The following PARD3B variants were observed in gnomAD, a reference collection of about 807,000 sequenced individuals.
The protein encoded by PARD3B is par-3 family cell polarity regulator beta, also known as partitioning defective 3 homolog B.
In PARD3B, 103 loss-of-function variants were observed where a neutral mutation model predicts 130.2. The observed-to-expected ratio is 0.79, with a 90% CI of 0.67 to 0.93. The LOEUF is 0.93. PARD3B is among the 40% of genes least tolerant of loss of function. PARD3B has a pLI of 0.00. For synonymous variants in PARD3B, 583 were observed against 553.2 expected, an observed-to-expected ratio of 1.05 and a Z score of -0.76; for missense variants, 1,609 against 1,499.2, an observed-to-expected ratio of 1.07 and a Z score of -1.21.
chr2:205,009,351 C>T (rs1260477846), intron 3 of PARD3B, among the ~76,000 whole-genome samples: 1 of 152,140 alleles, frequency 6.6e-6, no homozygotes, highest in Non-Finnish European at 1.5e-5. Flanking sequence ...ATGTTAATCA[C>T]ATTTCTGTTT....
At chr2:205,127,796 C>T (rs1410039104) in intron 10 of PARD3B, among the ~76,000 whole-genome samples, 2 of 152,190 alleles carry the variant, frequency 1.3e-5, no homozygotes, top group Non-Finnish European at 2.9e-5. Context: ...CTTGACTCCT[C>T]CATACCCAAC....
At chr2:205,182,139 A>G (rs2035824813) in intron 13 of PARD3B, among the ~76,000 whole-genome samples, 1 of 152,148 alleles carries the variant, frequency 6.6e-6, no homozygotes, top group African/African-American at 2.4e-5. Flanking sequence ...TAAAATACAA[A>G]AAATTAGCTG....
In PARD3B at chr2:205,176,552, T is replaced by A; in HGVS notation, c.1899T>A (p.Thr633=). 1 of 1,611,688 alleles carries A rather than the reference T, an allele frequency of 6.2e-7. No individual in the cohort carries two copies. The highest frequency in any genetic ancestry group is 8.5e-7 in the Non-Finnish European group (1 of 1,178,770). ...NDNSILHPLG[T]CSPQDKQKGL... ...ATAGTATCCTGCATCCACTTGGCAC[T>A]TGCAGTCCACAAGACAAACAGAAAG... The change falls in exon 13 of 23, where the codon ACT becomes ACA. Residue 633 remains threonine (T), a synonymous_variant. Coordinates refer to ENST00000406610, the MANE Select transcript of PARD3B (RefSeq NM_001302769.2). This position sits in a 1 kb window ranked among gnomAD's most constrained non-coding sequence, Gnocchi z 5.3.
chr2:205,117,932 C>CACACATACACACACACACACACACACAT (rs1418174076), intron 6 of PARD3B, among the ~76,000 whole-genome samples: 1 of 152,128 alleles, frequency 6.6e-6, no homozygotes, highest in Non-Finnish European at 1.5e-5. Context: ...CACACACACA[C>CACACATACACACACACACACACACACAT]ACACATACAC....
intron 4 of PARD3B, among the ~76,000 whole-genome samples, chr2:205,053,839 G>T (rs970013562): frequency 2.6e-5 from 4 of 152,016 alleles, no homozygotes; most frequent in African/African-American, 4.8e-5. Flanking sequence ...AACAGGGGGA[G>T]AAATAGCATG....
rs180908982 is a variant in PARD3B at position 205,227,043 on chromosome 2, G to A, written c.2141-18735G>A. On this transcript the variant is annotated intron_variant, in intron 15 of 22. Coordinates refer to ENST00000406610, the MANE Select transcript of PARD3B (RefSeq NM_001302769.2). ...TACATTGTAGTCAGAGAATATACTC[G>A]ATATAATTTCAGGGTTTTTTTTTTG... Among the ~76,000 whole-genome samples, 719 of 150,832 alleles carry A rather than the reference G, an allele frequency of 4.8e-3. 7 individuals carry two copies. Among genetic ancestry groups the A allele is most frequent in the Non-Finnish European group, 7.9e-3 (532 of 67,736 alleles).
At chr2:205,491,916 G>A (rs1204375645) in intron 20 of PARD3B, among the ~76,000 whole-genome samples, 1 of 152,184 alleles carries the variant, frequency 6.6e-6, no homozygotes, top group Non-Finnish European at 1.5e-5. Context: ...GATGGCTGGG[G>A]GGAGGACCGC....
In PARD3B at chr2:205,616,455, T is replaced by C. The variant is rs993607804; in HGVS notation, c.*642T>C. ...GGTTTCTGATACCACTCATTGGATGTAAACATTTCATGTTTCCTCACTTTT... is the reference window on the plus strand; with the variant it reads ...GGTTTCTGATACCACTCATTGGATGCAAACATTTCATGTTTCCTCACTTTT... On this transcript the variant is annotated 3_prime_UTR_variant, in exon 23 of 23. Coordinates refer to ENST00000406610, the MANE Select transcript of PARD3B (RefSeq NM_001302769.2). 1 of 152,298 alleles carries C rather than the reference T, an allele frequency of 6.6e-6. No homozygotes were observed. The highest frequency in any genetic ancestry group is 1.5e-5 in the Non-Finnish European group (1 of 68,104). 9.4% of individuals were successfully genotyped at this position (152,298 alleles called of 1,614,324 possible). A position where few individuals can be genotyped will look rare whatever the true frequency, so the allele number is the denominator to read the frequency against.
chr2:205,292,765 T>A lies in PARD3B; in HGVS notation c.2186-7765T>A, dbSNP rs1408143124. Among the ~76,000 whole-genome samples, 2 of 152,214 alleles carry A rather than the reference T, an allele frequency of 1.3e-5. No homozygotes were observed. The highest frequency in any genetic ancestry group is 2.9e-5 in the Non-Finnish European group (2 of 68,036). ...TTTGGGTAAGATCAATTGTGTGTGA[T>A]TAGACTTCACTTTGTACAGGAAAAA... is the stretch of plus-strand genomic sequence containing the variant. On this transcript the variant is annotated intron_variant, in intron 16 of 22. Transcript: ENST00000406610. The surrounding 1 kb of genome is among the most constrained non-coding windows in gnomAD (Gnocchi z 5.3).
intron 3 of PARD3B, among the ~76,000 whole-genome samples, chr2:204,987,403 A>G (rs182911397): frequency 6.6e-6 from 1 of 152,364 alleles, no homozygotes; most frequent in Non-Finnish European, 1.5e-5. Context: ...GCTTTCATGA[A>G]GAATATTTCT....
rs373227965 is a variant in PARD3B, at chr2:205,456,936, A to G, written c.3044+16264A>G. 8.6e-5 allele frequency among the ~76,000 whole-genome samples: 13 copies of G among 150,518 alleles called. No homozygotes were observed. The East Asian group carries it at 2.5e-3, about 29-fold the overall frequency. ...GAAATAATTTATCATAAATTTAATA[A>G]ATTTAATAAATCGTTTAATAATTAT... is the stretch of plus-strand genomic sequence containing the variant. On this transcript the variant is annotated intron_variant, in intron 20 of 22. Transcript: ENST00000406610.
At chr2:205,426,592 ACT>A (rs970781502) in intron 19 of PARD3B, among the ~76,000 whole-genome samples, 12 of 152,044 alleles carry the variant, frequency 7.9e-5, no homozygotes, top group Admixed American at 1.3e-4. Flanking sequence ...CCTCCTCTTT[ACT>A]CTCTGTTCAT....
intron 10 of PARD3B, among the ~76,000 whole-genome samples, chr2:205,153,084 C>A (rs1159519446): frequency 6.6e-6 from 1 of 152,208 alleles, no homozygotes; most frequent in East Asian, 1.9e-4. Context: ...GTATCACCAG[C>A]AGAGGCTGCA....
intron 2 of PARD3B, among the ~76,000 whole-genome samples, chr2:204,713,057 T>G (rs1222416203): frequency 6.6e-6 from 1 of 152,140 alleles, no homozygotes; most frequent in Non-Finnish European, 1.5e-5. Context: ...GTTTCTAATG[T>G]GACTGTATTT....
Position 205,176,971 on chromosome 2 carries a change from G to A in PARD3B, c.1924+394G>A, listed in dbSNP as rs569591090. 1.6e-4 allele frequency among the ~76,000 whole-genome samples: 25 copies of A among 152,292 alleles called. No homozygotes were observed. The highest frequency in any genetic ancestry group is 5.8e-4 in the African/African-American group (24 of 41,574). On this transcript the variant is annotated intron_variant, in intron 13 of 22. Coordinates refer to ENST00000406610, the MANE Select transcript of PARD3B (RefSeq NM_001302769.2). This position sits in a 1 kb window ranked among gnomAD's most constrained non-coding sequence, Gnocchi z 5.3. ...ATAATCCATAAAATGGTCATAGCGT[G>A]ATTCACAGATGATCCTCGATTCTAA...
intron 18 of PARD3B, among the ~76,000 whole-genome samples, chr2:205,368,304 G>A (rs1419748249): frequency 1.3e-5 from 2 of 152,122 alleles, no homozygotes; most frequent in Non-Finnish European, 2.9e-5. Flanking sequence ...GTTGTTTGTA[G>A]TATATATGAA....
chr2:205,465,463 T>G (rs2048588473), intron 20 of PARD3B, among the ~76,000 whole-genome samples: 1 of 152,186 alleles, frequency 6.6e-6, no homozygotes, highest in Non-Finnish European at 1.5e-5. Flanking sequence ...TTAAAAATTA[T>G]TTTGCTTTCT....
At chr2:205,148,750 T>C (rs1257737900) in intron 10 of PARD3B, among the ~76,000 whole-genome samples, 1 of 152,126 alleles carries the variant, frequency 6.6e-6, no homozygotes, top group African/African-American at 2.4e-5. Flanking sequence ...AAAAAAGCTC[T>C]TTTGTTTGAG....
chr2:205,102,427 A>G (rs1175710046), intron 4 of PARD3B, among the ~76,000 whole-genome samples: 2 of 151,438 alleles, frequency 1.3e-5, no homozygotes, highest in African/African-American at 4.8e-5. Flanking sequence ...TAAATTATCC[A>G]CCTAAGTATT....
Sources: allele counts gnomAD v4.1 joint callset (sites outside exome capture counted in the v4.1 genomes callset), GRCh38; gene constraint gnomAD v4.1.1; non-coding constraint Gnocchi (gnomAD v3.1); transcripts MANE v1.5; gene names NCBI Gene and HGNC (gene_info 2026-07-23, HGNC 2026-07-21).